The following TG variants were observed in gnomAD, a reference collection of about 807,000 sequenced individuals.
TG encodes thyroid hormones.
Under a neutral mutation model 324.7 loss-of-function variants are expected in TG, and 270 were observed. The observed-to-expected ratio is 0.83, with a 90% CI of 0.75 to 0.92. TG has a LOEUF of 0.92. Ranked by LOEUF, TG falls within the 40% of genes least tolerant of loss-of-function variation. The probability of loss-of-function intolerance (pLI) is 0.00; values close to 1 mark genes in which losing one functional copy is unlikely to be tolerated. For missense variants in TG, 3,591 were observed against 3,456.4 expected, an observed-to-expected ratio of 1.04 and a Z score of -0.98; for synonymous variants, 1,401 against 1,327.0, an observed-to-expected ratio of 1.06 and a Z score of -1.21.
intron 10 of TG, among the ~76,000 whole-genome samples, chr8:132,892,522 G>A (rs1157750598): frequency 6.6e-6 from 1 of 152,244 alleles, no homozygotes; most frequent in East Asian, 1.9e-4. Context: ...ATCTTATGCA[G>A]TGGTTCCTCC....
In TG at chr8:133,133,715, T is replaced by C. The variant is rs1018103773; in HGVS notation, c.8188+55T>C. 7.0e-6 allele frequency: 11 copies of C among 1,575,014 alleles called. No homozygotes were observed. The Admixed American group carries it at 7.3e-5, about 10-fold the overall frequency. On this transcript the variant is annotated intron_variant, in intron 47 of 47. Coordinates refer to ENST00000220616, the MANE Select transcript of TG (RefSeq NM_003235.5). Reference sequence around the variant, plus strand: ...GCTGGGTGTTGATCTCAGCATCTGCTGTGCTCGCTGCATGAGACCTGTGCT... The same window carrying C: ...GCTGGGTGTTGATCTCAGCATCTGCCGTGCTCGCTGCATGAGACCTGTGCT...
At chr8:133,044,762 G>A (rs1156248699) in intron 41 of TG, among the ~76,000 whole-genome samples, 1 of 152,218 alleles carries the variant, frequency 6.6e-6, no homozygotes, top group Non-Finnish European at 1.5e-5. Flanking sequence ...CACTTCGAGA[G>A]AGGGCAAATT....
At chr8:133,124,694 C>A (rs1174071483) in intron 45 of TG, among the ~76,000 whole-genome samples, 1 of 152,132 alleles carries the variant, frequency 6.6e-6, no homozygotes, top group Non-Finnish European at 1.5e-5. Flanking sequence ...AAAACTGAGG[C>A]TCTGAGAGAG....
At chr8:133,026,538 A>G (rs1836098037) in intron 40 of TG, among the ~76,000 whole-genome samples, 1 of 152,216 alleles carries the variant, frequency 6.6e-6, no homozygotes. Context: ...CTGTCTGGCA[A>G]AGCAATGCAG....
intron 21 of TG, among the ~76,000 whole-genome samples, chr8:132,922,626 G>C (rs1563958833): frequency 1.3e-5 from 2 of 152,256 alleles, no homozygotes; most frequent in South Asian, 2.1e-4. Flanking sequence ...CCATAAACTG[G>C]GTGGCTTATA....
intron 13 of TG, among the ~76,000 whole-genome samples, 165 bp downstream of exon 13, chr8:132,898,411 G>T (rs942082110): frequency 6.6e-6 from 1 of 152,178 alleles, no homozygotes; most frequent in Non-Finnish European, 1.5e-5. Flanking sequence ...GCAAGCTTGC[G>T]CTGACCTTGG....
chr8:132,983,739 C>T (rs978101585), intron 35 of TG: 27 of 431,302 alleles, frequency 6.3e-5, no homozygotes, highest in Admixed American at 2.1e-4. Flanking sequence ...ACACACAATC[C>T]GGAGGCAATG....
intron 41 of TG, among the ~76,000 whole-genome samples, chr8:133,092,757 G>A (rs192012358): frequency 2.0e-5 from 3 of 152,190 alleles, no homozygotes; most frequent in Non-Finnish European, 2.9e-5. Flanking sequence ...TCCTGCCCCC[G>A]AGTGCTTTGT....
intron 41 of TG, among the ~76,000 whole-genome samples, chr8:133,057,762 CAAAACAAAAAACAAAAAAAAA>C (rs1268967651): frequency 3.5e-5 from 4 of 114,834 alleles, no homozygotes; most frequent in Non-Finnish European, 7.4e-5. Flanking sequence ...CTTAGTTTAG[CAAAACAAAAAACAAAAAAAAA>C]AAAACAAAAA....
intron 40 of TG, among the ~76,000 whole-genome samples, chr8:133,022,765 C>T (rs1835677183): frequency 6.6e-6 from 1 of 152,176 alleles, no homozygotes; most frequent in African/African-American, 2.4e-5. Flanking sequence ...CACGTCTTTT[C>T]CTCCAGCTAC....
chr8:132,938,867 A>C (rs11780113), intron 25 of TG, among the ~76,000 whole-genome samples: 1 of 152,086 alleles, frequency 6.6e-6, no homozygotes, highest in Non-Finnish European at 1.5e-5. Context: ...CCTGGCTAAC[A>C]CAGTGAAACC....
chr8:132,957,483 G>A (rs916221613), intron 27 of TG, among the ~76,000 whole-genome samples: 6 of 152,024 alleles, frequency 3.9e-5, no homozygotes, highest in Non-Finnish European at 8.8e-5. Context: ...TCTTTGAGTG[G>A]TGAAAAGCAT....
At chr8:132,934,405 CAT>C (rs1420943786) in intron 24 of TG, among the ~76,000 whole-genome samples, 3 of 152,170 alleles carry the variant, frequency 2.0e-5, no homozygotes, top group African/African-American at 7.2e-5. Context: ...AACCACATAA[CAT>C]TGCTGTTCTG....
rs551927577 is a variant in TG, at chr8:132,944,408, G to T, written c.5233+2866G>T. On this transcript the variant is annotated intron_variant, in intron 26 of 47. Transcript: ENST00000220616. ...CTCCTTGTGATTTCCTCCTCCTGGAGTACTATTTTGTCCCTTCTTTTTGTA... is the reference window on the plus strand; with the variant it reads ...CTCCTTGTGATTTCCTCCTCCTGGATTACTATTTTGTCCCTTCTTTTTGTA... Among the ~76,000 whole-genome samples the T allele has an allele frequency of 2.0e-5, 3 of 152,264 alleles. No homozygotes were observed. In the East Asian group the frequency reaches 5.8e-4, roughly 29 times the overall value.
At chr8:133,042,834 C>T (rs1267999147) in intron 41 of TG, among the ~76,000 whole-genome samples, 2 of 151,746 alleles carry the variant, frequency 1.3e-5, no homozygotes, top group South Asian at 2.1e-4. Flanking sequence ...GTTGGGATTA[C>T]AGGCGCCCAC....
At chr8:133,047,976 TC>T in intron 41 of TG, 1 of 1,280,424 alleles carries the variant, frequency 7.8e-7, no homozygotes, top group Non-Finnish European at 1.1e-6. Context: ...GAACAAGCCC[TC>T]CCCCAGGAAA....
At chr8:132,931,033 G>A (rs1822640979) in intron 23 of TG, among the ~76,000 whole-genome samples, 1 of 152,152 alleles carries the variant, frequency 6.6e-6, no homozygotes, top group Non-Finnish European at 1.5e-5. Flanking sequence ...CGTAGACTGG[G>A]GGACTTAAAC....
intron 47 of TG, among the ~76,000 whole-genome samples, chr8:133,133,889 G>T (rs570413749): frequency 6.6e-6 from 1 of 152,216 alleles, no homozygotes; most frequent in Admixed American, 6.5e-5. Context: ...CAGGAAGAGG[G>T]CAGTGGGGTG....
At chr8:132,994,197 A>AAGAAT (rs1467082190) in intron 35 of TG, among the ~76,000 whole-genome samples, 7 of 152,202 alleles carry the variant, frequency 4.6e-5, no homozygotes, top group Admixed American at 4.6e-4. Context: ...GGCAACTGTT[A>AAGAAT]AGAATAGAAG....
Sources: allele counts gnomAD v4.1 joint callset (sites outside exome capture counted in the v4.1 genomes callset), GRCh38; gene constraint gnomAD v4.1.1; transcripts MANE v1.5; gene names NCBI Gene and HGNC (gene_info 2026-07-23, HGNC 2026-07-21).